ZMYM2: variants seen among roughly 807,000 people sequenced by gnomAD.
ZMYM2 encodes zinc finger MYM-type containing 2.
A neutral mutation model predicts 162.8 loss-of-function variants in ZMYM2; 56 were observed. That is an observed-to-expected ratio of 0.34 (90% CI 0.28 to 0.43). The LOEUF (loss-of-function observed/expected upper bound fraction) is 0.43. Among genes scored for constraint, ZMYM2 ranks in the 20% least tolerant of loss-of-function variants. The pLI, the probability that ZMYM2 is intolerant of heterozygous loss-of-function variation, is 1.00. For synonymous variants in ZMYM2, 510 were observed against 541.6 expected (o/e 0.94, Z 0.81); for missense variants, 1,275 against 1,621.8 (o/e 0.79, Z 3.67).
chr13:20,031,506 C>T (rs1953133676), intron 10 of ZMYM2, 71 bp downstream of exon 10: 3 of 954,508 alleles, frequency 3.1e-6, no homozygotes, highest in African/African-American at 3.4e-5. Context: ...TGTTGTATTT[C>T]CATCTGGAAA....
At position 19,993,113 on chromosome 13, in the gene ZMYM2, A is replaced by C. The variant is rs1949755233; in HGVS notation, c.41A>C (p.Gln14Pro). ...GTGGGAGGATTAGAATTGACTGATC[A>C]GACTCCTGTTTTATTAGGGAGTACG... is the stretch of plus-strand genomic sequence containing the variant. ...SSVGGLELTD[Q>P]TPVLLGSTAM... Residue 14 changes from glutamine (Q) to proline (P), a missense_variant, in exon 3 of 25, where the codon CAG becomes CCG. By Grantham distance (76) the Gln-to-Pro change is moderately conservative. This residue lies in a region of ZMYM2 where 295 missense variants were observed against 286.7 expected (regional missense o/e 1.03). Transcript: ENST00000610343. 1 of 1,613,790 alleles carries C rather than the reference A, an allele frequency of 6.2e-7. No homozygotes were observed. Among genetic ancestry groups the C allele is most frequent in the Non-Finnish European group, 8.5e-7 (1 of 1,179,870 alleles).
intron 6 of ZMYM2, among the ~76,000 whole-genome samples, chr13:20,006,882 A>G (rs955010204): frequency 2.0e-5 from 3 of 152,166 alleles, no homozygotes; most frequent in African/African-American, 7.2e-5. Flanking sequence ...CTTAGAATGC[A>G]CCTTTGACCT....
chr13:19,961,940 G>T (rs999832730), intron 2 of ZMYM2, among the ~76,000 whole-genome samples: 1 of 152,174 alleles, frequency 6.6e-6, no homozygotes, highest in Admixed American at 6.5e-5. Context: ...TATTTTGACA[G>T]TTAAAAATAC....
chr13:20,046,564 A>AAAAAAAT (rs766574183), intron 12 of ZMYM2, among the ~76,000 whole-genome samples: 3 of 103,870 alleles, frequency 2.9e-5, no homozygotes, highest in Admixed American at 1.1e-4. Context: ...TAAAAAAAAA[A>AAAAAAAT]ATATATATAT....
chr13:20,018,377 A>G (rs1363628490), intron 6 of ZMYM2, among the ~76,000 whole-genome samples: 1 of 152,236 alleles, frequency 6.6e-6, no homozygotes, highest in Non-Finnish European at 1.5e-5. Context: ...TTACTGATAA[A>G]GAGACCCAAT....
upstream of ZMYM2, among the ~76,000 whole-genome samples, chr13:19,956,034 G>A (rs1284637656): frequency 1.3e-5 from 2 of 152,168 alleles, no homozygotes; most frequent in African/African-American, 4.8e-5. Flanking sequence ...TTTAAGGTAT[G>A]CTGTTCAGAG....
At chr13:20,054,855 T>C (rs1286425436) in intron 14 of ZMYM2, among the ~76,000 whole-genome samples, 1 of 152,210 alleles carries the variant, frequency 6.6e-6, no homozygotes, top group Non-Finnish European at 1.5e-5. Flanking sequence ...TGCTAAGTTA[T>C]TCTTTCCATT....
chr13:19,935,617 G>A, the ZMYM2 span, among the ~76,000 whole-genome samples: 7 of 151,896 alleles, frequency 4.6e-5, no homozygotes, highest in African/African-American at 1.7e-4. Context: ...TGGGTCTGAG[G>A]TAGAATCTCA....
rs1958419800 is a variant in ZMYM2 at position 20,089,022 on chromosome 13, ATATTG to A, written c.*3009_*3013del. On this transcript the variant is annotated 3_prime_UTR_variant, in exon 25 of 25. Transcript: ENST00000610343. The stretch of plus-strand genomic sequence containing the variant: ...ACATGTCACTTATGTTTTTAAGCTA[ATATTG>A]ACTGTAGGATAATCTCCTTGTTCCC... 3 of 197,852 alleles carry A rather than the reference ATATTG, an allele frequency of 1.5e-5. No individual in the cohort carries two copies. The highest frequency in any genetic ancestry group is 6.0e-5 in the Admixed American group (1 of 16,538). The allele number at this position is 197,852 out of a possible 1,614,324, so 12.3% of individuals were successfully genotyped here.
rs1429997329 is a variant in ZMYM2, at chr13:20,087,575, C to G, written c.*1561C>G. ...CTCTCCCATAGGATAAATGTTACAGCACACAAAAGAAATTTTCTCAATTCT... is the reference window on the plus strand; with the variant it reads ...CTCTCCCATAGGATAAATGTTACAGGACACAAAAGAAATTTTCTCAATTCT... On this transcript the variant is annotated 3_prime_UTR_variant, in exon 25 of 25. Coordinates refer to ENST00000610343, the MANE Select transcript of ZMYM2 (RefSeq NM_197968.4). The G allele has an allele frequency of 5.4e-6, 1 of 185,346 alleles. No homozygotes were observed. Among genetic ancestry groups the G allele is most frequent in the African/African-American group, 2.3e-5 (1 of 42,658 alleles). The allele number at this position is 185,346 out of a possible 1,614,324, so 11.5% of individuals were successfully genotyped here. A position where few individuals can be genotyped will look rare whatever the true frequency, so the allele number is the denominator to read the frequency against.
chr13:20,044,821 G>A (rs1322416533), intron 12 of ZMYM2, among the ~76,000 whole-genome samples: 2 of 151,940 alleles, frequency 1.3e-5, no homozygotes, highest in East Asian at 1.9e-4. Flanking sequence ...AGGCCAAGGC[G>A]GGCAGATCAC....
intron 9 of ZMYM2, among the ~76,000 whole-genome samples, chr13:20,030,082 A>T (rs1566341626): frequency 6.6e-6 from 1 of 152,086 alleles, no homozygotes; most frequent in Admixed American, 6.5e-5. Flanking sequence ...GGTGTGAGCT[A>T]TGACGTCCAG....
At chr13:20,030,110 C>T (rs1171540592) in intron 9 of ZMYM2, among the ~76,000 whole-genome samples, 1 of 151,214 alleles carries the variant, frequency 6.6e-6, no homozygotes, top group South Asian at 2.1e-4. Context: ...ATTGTTTTAA[C>T]TTTAAAAAAA....
intron 2 of ZMYM2, among the ~76,000 whole-genome samples, chr13:19,972,657 C>A (rs9508986): frequency 0.026 from 3,891 of 152,004 alleles, 115 homozygotes; most frequent in East Asian, 0.13. Flanking sequence ...GCATTTTCTT[C>A]AGATTTATGA....
At chr13:19,960,878 G>A (rs1955134887) in intron 2 of ZMYM2, among the ~76,000 whole-genome samples, 1 of 152,190 alleles carries the variant, frequency 6.6e-6, no homozygotes, top group Admixed American at 6.5e-5. Context: ...CTCTGTCAGA[G>A]TCAGAGATGA....
the ZMYM2 span, among the ~76,000 whole-genome samples, chr13:19,876,488 A>C: frequency 6.6e-6 from 1 of 151,924 alleles, no homozygotes; most frequent in South Asian, 2.1e-4. Context: ...ACACTGGCTA[A>C]GTTTTTATAT....
At chr13:19,889,981 GT>G in the ZMYM2 span, among the ~76,000 whole-genome samples, 1 of 151,640 alleles carries the variant, frequency 6.6e-6, no homozygotes, top group Non-Finnish European at 1.5e-5. Flanking sequence ...TGGTAGGATT[GT>G]TTTGACCTAA....
At position 20,083,762 on chromosome 13, in the gene ZMYM2, C is replaced by T. The variant is rs1026116950; in HGVS notation, c.3927C>T (p.Cys1309=). ...GATGTCCTGTGAAAATGTTTGAATG[C>T]TACTTGTCTAAAAGGTGAGTGTTAA... ...PSRCPVKMFE[C]YLSKSPQNLN... Residue 1309 remains cysteine (C), a synonymous_variant, in exon 24 of 25, where the codon TGC becomes TGT. Coordinates refer to ENST00000610343, the MANE Select transcript of ZMYM2 (RefSeq NM_197968.4). 1 of 1,603,306 alleles carries T rather than the reference C, an allele frequency of 6.2e-7. No homozygotes were observed. Among genetic ancestry groups the T allele is most frequent in the African/African-American group, 1.3e-5 (1 of 74,770 alleles).
chr13:20,078,755 T>C (rs1957695505), intron 21 of ZMYM2, among the ~76,000 whole-genome samples: 1 of 152,210 alleles, frequency 6.6e-6, no homozygotes, highest in African/African-American at 2.4e-5. Flanking sequence ...ATTTTTAAAA[T>C]GTTAAATATT....
Sources: gnomAD v4.1 joint callset for allele counts (sites outside exome capture counted in the v4.1 genomes callset) on GRCh38, gnomAD v4.1.1 for gene constraint, gnomAD v4.1.1 regional missense constraint, MANE v1.5 for transcripts, NCBI Gene and HGNC (gene_info 2026-07-23, HGNC 2026-07-21) for gene names.